OXSR1: variants seen among roughly 807,000 people sequenced by gnomAD.
OXSR1 encodes serine/threonine-protein kinase OSR1.
A neutral mutation model predicts 79.8 loss-of-function variants in OXSR1; 24 were observed. The ratio of observed to expected loss-of-function variants is 0.30; its 90% CI spans 0.22 to 0.42. The LOEUF (loss-of-function observed/expected upper bound fraction) is 0.42, where lower values mean the gene tolerates loss of function less well. OXSR1 is among the 10% of genes least tolerant of loss of function. The pLI is 1.00. For synonymous variants in OXSR1, 226 were observed against 209.2 expected (o/e 1.08, Z -0.69); for missense variants, 430 against 618.4 (o/e 0.70, Z 3.23).
Position 38,250,785 on chromosome 3 carries a change from G to A in OXSR1, c.1376-618G>A, listed in dbSNP as rs992349984. Among the ~76,000 whole-genome samples, 6 of 152,108 alleles carry A rather than the reference G, an allele frequency of 3.9e-5. No homozygotes were observed. The South Asian group carries it at 6.2e-4, about 16-fold the overall frequency. ...TTTCAGGAATTAATTCAAATTGCTG[G>A]TTGCCTGTGTGAATGTGTGGACACT... On this transcript the variant is annotated intron_variant, in intron 15 of 17. Coordinates refer to ENST00000311806, the MANE Select transcript of OXSR1 (RefSeq NM_005109.3).
intron 8 of OXSR1, among the ~76,000 whole-genome samples, chr3:38,225,290 T>TA (rs1380566631): frequency 1.3e-5 from 2 of 152,168 alleles, no homozygotes; most frequent in Admixed American, 6.5e-5. Context: ...ACTTGATACT[T>TA]AGTCATAGGA....
At chr3:38,166,704 T>G (rs913603579) in intron 1 of OXSR1, among the ~76,000 whole-genome samples, 3 of 144,132 alleles carry the variant, frequency 2.1e-5, no homozygotes, top group Non-Finnish European at 1.5e-5. Flanking sequence ...GGCAGAAGAA[T>G]CCTTGAACCC....
At chr3:38,223,953 C>T in intron 7 of OXSR1, 40 bp downstream of exon 7, 1 of 1,248,716 alleles carries the variant, frequency 8.0e-7, no homozygotes. Context: ...GCTCAAGTCC[C>T]AATTCCTTTT....
At chr3:38,221,374 C>A (rs1281269266) in intron 5 of OXSR1, among the ~76,000 whole-genome samples, 2 of 152,138 alleles carry the variant, frequency 1.3e-5, no homozygotes, top group Non-Finnish European at 1.5e-5. Context: ...CCTGCCTTGG[C>A]CTCCCAGAGT....
chr3:38,189,712 G>T (rs1701948448), intron 2 of OXSR1, among the ~76,000 whole-genome samples: 1 of 152,186 alleles, frequency 6.6e-6, no homozygotes, highest in East Asian at 1.9e-4. Flanking sequence ...TGTACTCTGT[G>T]CCAGGCACAA....
intron 8 of OXSR1, among the ~76,000 whole-genome samples, 160 bp from the exon 9 acceptor site, chr3:38,229,527 G>A (rs1202334698): frequency 2.6e-5 from 4 of 151,948 alleles, no homozygotes; most frequent in African/African-American, 9.7e-5. Flanking sequence ...CCTGTATCAA[G>A]TTTATTTTAC....
chr3:38,193,259 C>T (rs1162996188), intron 3 of OXSR1: 1 of 1,289,200 alleles, frequency 7.8e-7, no homozygotes, highest in Admixed American at 2.3e-5. Context: ...GCCAGAATCA[C>T]CTTTTTGTTT....
intron 1 of OXSR1, among the ~76,000 whole-genome samples, chr3:38,180,521 CCAA>C (rs1433922497): frequency 1.3e-5 from 2 of 150,202 alleles, no homozygotes; most frequent in Non-Finnish European, 3.0e-5. Context: ...CTGTATAGCT[CCAA>C]CTTTTTTTTT....
At chr3:38,246,745 CATT>C (rs1250309567) in intron 13 of OXSR1, among the ~76,000 whole-genome samples, 1 of 151,446 alleles carries the variant, frequency 6.6e-6, no homozygotes, top group East Asian at 1.9e-4. Context: ...AATCATACTT[CATT>C]GAGAGCAGCC....
At chr3:38,236,069 T>G (rs144956695) in intron 10 of OXSR1, among the ~76,000 whole-genome samples, 1 of 152,172 alleles carries the variant, frequency 6.6e-6, no homozygotes, top group Non-Finnish European at 1.5e-5. Context: ...TATAAACAGC[T>G]GAGAGAATAA....
At chr3:38,198,964 T>A in intron 4 of OXSR1, 101 bp downstream of exon 4, 6 of 981,568 alleles carry the variant, frequency 6.1e-6, no homozygotes, top group Non-Finnish European at 7.7e-6. Context: ...GCTCTTTGTA[T>A]CACTAGTTTT....
intron 2 of OXSR1, among the ~76,000 whole-genome samples, chr3:38,185,875 G>A (rs1701875389): frequency 7.5e-6 from 1 of 134,226 alleles, no homozygotes; most frequent in African/African-American, 2.8e-5. Flanking sequence ...AGCCCAGGAT[G>A]TTGATGCTGC....
intron 14 of OXSR1, 96 bp downstream of exon 14, chr3:38,247,828 A>T: frequency 1.4e-6 from 1 of 711,712 alleles, no homozygotes. Context: ...ATAGGATTGT[A>T]TGTCCTCCAG....
Position 38,253,842 on chromosome 3 carries a change from A to G in OXSR1, c.*951A>G. The G allele has an allele frequency of 4.3e-6, 1 of 233,556 alleles. No individual in the cohort carries two copies. The highest frequency in any genetic ancestry group is 8.2e-6 in the Non-Finnish European group (1 of 121,532). The allele number at this position is 233,556 out of a possible 1,614,324, so 14.5% of individuals were successfully genotyped here. A position where few individuals can be genotyped will look rare whatever the true frequency, so the allele number is the denominator to read the frequency against. ...TTCTACAGCAATAAAGGAGACACACACTGGGCCAGAGAGGCCTGCCTTCTG... is the reference window on the plus strand; with the variant it reads ...TTCTACAGCAATAAAGGAGACACACGCTGGGCCAGAGAGGCCTGCCTTCTG... On this transcript the variant is annotated 3_prime_UTR_variant, in exon 18 of 18. Transcript: ENST00000311806.
At chr3:38,179,147 C>T (rs1260422344) in intron 1 of OXSR1, among the ~76,000 whole-genome samples, 1 of 151,512 alleles carries the variant, frequency 6.6e-6, no homozygotes, top group African/African-American at 2.4e-5. Context: ...CCTCCTACCT[C>T]ACGCTCCCTA....
At chr3:38,205,487 G>T (rs1042647627) in intron 4 of OXSR1, among the ~76,000 whole-genome samples, 3 of 152,190 alleles carry the variant, frequency 2.0e-5, no homozygotes, top group Non-Finnish European at 2.9e-5. Flanking sequence ...CATCCTCAGG[G>T]TTGGCCAGGA....
Position 38,225,812 on chromosome 3 carries a change from A to G in OXSR1, c.836+1108A>G, listed in dbSNP as rs530203741. ...GGGTCACTATTCATTCTGGTAACCT[A>G]CTGATTTGGATTTATAACTCCCATG... On this transcript the variant is annotated intron_variant, in intron 8 of 17. Transcript: ENST00000311806. Among the ~76,000 whole-genome samples, 12 of 152,234 alleles carry G rather than the reference A, an allele frequency of 7.9e-5. 1 individual carries two copies. Among genetic ancestry groups the G allele is most frequent in the Middle Eastern group, 6.8e-3 (2 of 294 alleles).
chr3:38,235,770 G>C (rs889155189), intron 10 of OXSR1, among the ~76,000 whole-genome samples: 2 of 152,202 alleles, frequency 1.3e-5, no homozygotes, highest in Non-Finnish European at 2.9e-5. Flanking sequence ...TACTGATGCA[G>C]CCTTTTCTTT....
At chr3:38,235,892 A>G (rs909109510) in intron 10 of OXSR1, among the ~76,000 whole-genome samples, 2 of 152,222 alleles carry the variant, frequency 1.3e-5, no homozygotes, top group Admixed American at 1.3e-4. Flanking sequence ...AACAGAAGTC[A>G]TGTGATCCAG....
Sources: allele counts gnomAD v4.1 joint callset (sites outside exome capture counted in the v4.1 genomes callset), GRCh38; gene constraint gnomAD v4.1.1; transcripts MANE v1.5; gene names NCBI Gene and HGNC (gene_info 2026-07-23, HGNC 2026-07-21).